GRID2: variants seen among roughly 807,000 people sequenced by gnomAD.
GRID2 encodes glutamate ionotropic receptor delta type subunit 2.
GRID2 carries 33 observed loss-of-function variants against 114.8 expected under a neutral mutation model. That is an observed-to-expected ratio of 0.29 (90% CI 0.22 to 0.38). The LOEUF (loss-of-function observed/expected upper bound fraction) is 0.38, where lower values mean the gene tolerates loss of function less well. GRID2 is among the 10% of genes least tolerant of loss of function. The pLI, the probability that GRID2 is intolerant of heterozygous loss-of-function variation, is 1.00. For missense variants in GRID2, 1,184 were observed against 1,257.7 expected (o/e 0.94, Z 0.89); for synonymous variants, 505 against 449.9 (o/e 1.12, Z -1.55).
intron 8 of GRID2, among the ~76,000 whole-genome samples, chr4:93,330,707 G>C (rs994018118): frequency 3.9e-5 from 6 of 152,108 alleles, no homozygotes; most frequent in African/African-American, 1.4e-4. Context: ...AGATGAGTCT[G>C]TATACACACA....
At chr4:92,949,316 C>T (rs1205990719) in intron 2 of GRID2, among the ~76,000 whole-genome samples, 1 of 151,770 alleles carries the variant, frequency 6.6e-6, no homozygotes. Context: ...AGGGCATAGT[C>T]TTTTTTTATT....
chr4:93,250,763 T>G (rs2149530928), intron 8 of GRID2, among the ~76,000 whole-genome samples: 1 of 147,378 alleles, frequency 6.8e-6, no homozygotes, highest in Non-Finnish European at 1.5e-5. Context: ...TATTTATATA[T>G]ATATAAAAAA....
At chr4:93,179,504 G>A (rs1419931413) in intron 4 of GRID2, among the ~76,000 whole-genome samples, 1 of 152,094 alleles carries the variant, frequency 6.6e-6, no homozygotes, top group Non-Finnish European at 1.5e-5. Flanking sequence ...GCAGATTTAA[G>A]TACCCACTGG....
chr4:92,317,050 G>A (rs553147896), intron 1 of GRID2, among the ~76,000 whole-genome samples: 27 of 152,232 alleles, frequency 1.8e-4, no homozygotes, highest in African/African-American at 6.5e-4. Flanking sequence ...AATTAATTAA[G>A]CTAATGAGAT....
chr4:93,781,227 A>C (rs957355985), intron 1 of GRID2, among the ~76,000 whole-genome samples: 1 of 152,202 alleles, frequency 6.6e-6, no homozygotes, highest in Admixed American at 6.5e-5. Context: ...AATTTTTAAC[A>C]AGTGATGGGG....
intron 2 of GRID2, among the ~76,000 whole-genome samples, chr4:92,712,845 G>C (rs1176135509): frequency 6.6e-6 from 1 of 151,940 alleles, no homozygotes; most frequent in Non-Finnish European, 1.5e-5. Context: ...TAATTCCCTT[G>C]AATATTAAAA....
intron 1 of GRID2, among the ~76,000 whole-genome samples, chr4:92,496,364 A>T (rs1157101689): frequency 6.6e-6 from 1 of 151,862 alleles, no homozygotes; most frequent in Non-Finnish European, 1.5e-5. Flanking sequence ...AAAACAAAAC[A>T]AAACAGACAG....
chr4:92,744,508 T>C (rs1451321204), intron 2 of GRID2, among the ~76,000 whole-genome samples: 2 of 151,416 alleles, frequency 1.3e-5, no homozygotes, highest in Non-Finnish European at 2.9e-5. Flanking sequence ...AAAAAAAAAT[T>C]TTTTTTCAGA....
chr4:93,437,391 C>CAGAGTTTTAATGTA (rs11274886), intron 10 of GRID2, among the ~76,000 whole-genome samples: 102,947 of 151,740 alleles, frequency 0.68, 35,285 homozygotes, highest in African/African-American at 0.77. Flanking sequence ...CAGAGAAAAA[C>CAGAGTTTTAATGTA]AGTTTTGTCT....
intron 2 of GRID2, among the ~76,000 whole-genome samples, chr4:92,728,490 C>T (rs1187078859): frequency 6.6e-6 from 1 of 151,984 alleles, no homozygotes; most frequent in Non-Finnish European, 1.5e-5. Context: ...CGTGGGTCTT[C>T]CATGGGGCTG....
intron 2 of GRID2, among the ~76,000 whole-genome samples, chr4:92,608,588 G>T (rs1376785339): frequency 6.6e-6 from 1 of 151,748 alleles, no homozygotes; most frequent in South Asian, 2.1e-4. Flanking sequence ...TACACATTTG[G>T]CATTGTGTGC....
intron 13 of GRID2, among the ~76,000 whole-genome samples, chr4:93,597,847 A>G (rs971318252): frequency 6.6e-6 from 1 of 152,168 alleles, no homozygotes; most frequent in South Asian, 2.1e-4. Context: ...GTTATGTTCT[A>G]TTCCCAAGCT....
At chr4:92,968,372 C>T (rs1175423434) in intron 2 of GRID2, among the ~76,000 whole-genome samples, 1 of 151,926 alleles carries the variant, frequency 6.6e-6, no homozygotes, top group African/African-American at 2.4e-5. Flanking sequence ...ATCAATTTTA[C>T]TATTCTGGAT....
intron 2 of GRID2, among the ~76,000 whole-genome samples, chr4:92,974,386 A>C (rs918343940): frequency 1.3e-5 from 2 of 152,144 alleles, no homozygotes; most frequent in African/African-American, 4.8e-5. Flanking sequence ...ACACATGTAC[A>C]TGTATCTTTA....
At chr4:92,526,453 C>A (rs554806680) in intron 1 of GRID2, among the ~76,000 whole-genome samples, 4 of 152,068 alleles carry the variant, frequency 2.6e-5, no homozygotes, top group African/African-American at 9.7e-5. Context: ...AAGGGATTCA[C>A]CTGCCTCAGT....
chr4:92,679,807 C>T (rs1259943094), intron 2 of GRID2, among the ~76,000 whole-genome samples: 1 of 151,478 alleles, frequency 6.6e-6, no homozygotes, highest in Non-Finnish European at 1.5e-5. Context: ...TCATTAGTAC[C>T]ACTAATAGAA....
chr4:93,072,955 ATATTGTAC>A (rs1289979745), intron 2 of GRID2, among the ~76,000 whole-genome samples: 1 of 152,240 alleles, frequency 6.6e-6, no homozygotes, highest in Non-Finnish European at 1.5e-5. Context: ...ACTGTAGTAC[ATATTGTAC>A]TACTGTGATA....
chr4:92,448,281 T>A (rs1733575572), intron 1 of GRID2, among the ~76,000 whole-genome samples: 1 of 152,066 alleles, frequency 6.6e-6, no homozygotes, highest in Non-Finnish European at 1.5e-5. Flanking sequence ...TTCAAGTGAT[T>A]CTCCTGTCTC....
intron 2 of GRID2, among the ~76,000 whole-genome samples, chr4:92,967,214 C>G (rs1278568331): frequency 6.6e-6 from 1 of 151,842 alleles, no homozygotes; most frequent in Admixed American, 6.6e-5. Flanking sequence ...GTAGTGGATT[C>G]ATTGAGCAAA....
Sources: allele counts gnomAD v4.1 joint callset (sites outside exome capture counted in the v4.1 genomes callset), GRCh38; gene constraint gnomAD v4.1.1; transcripts MANE v1.5; gene names NCBI Gene and HGNC (gene_info 2026-07-23, HGNC 2026-07-21).